Variants in GIPC2 observed in about 807,000 individuals in gnomAD.
GIPC2 encodes GIPC PDZ domain containing family member 2, also known as PDZ domain-containing protein GIPC2.
Under a neutral mutation model 30.6 loss-of-function variants are expected in GIPC2, and 30 were observed. The ratio of observed to expected loss-of-function variants is 0.98; its 90% CI spans 0.73 to 1.33. The LOEUF is 1.33. Ranked by LOEUF, GIPC2 falls within the 40% of genes most tolerant of loss-of-function variation. The pLI is 0.00. For synonymous variants in GIPC2, 167 were observed against 150.0 expected (o/e 1.11, Z -0.83); for missense variants, 414 against 390.3 (o/e 1.06, Z -0.51).
At chr1:78,054,872 G>T (rs1202634689) in intron 1 of GIPC2, among the ~76,000 whole-genome samples, 1 of 152,108 alleles carries the variant, frequency 6.6e-6, no homozygotes, top group Non-Finnish European at 1.5e-5. Context: ...TACACCCTTG[G>T]GCAGGGGTAG....
rs1161005999 is a variant in GIPC2 at position 78,135,884 on chromosome 1, A to ATT, written c.*144_*145dup. 24 of 618,058 alleles carry ATT rather than the reference A, an allele frequency of 3.9e-5. No individual in the cohort carries two copies. The highest frequency in any genetic ancestry group is 5.9e-5 in the Non-Finnish European group (23 of 386,596). 38.3% of individuals were successfully genotyped at this position (618,058 alleles called of 1,614,324 possible). A position where few individuals can be genotyped will look rare whatever the true frequency, so the allele number is the denominator to read the frequency against. ...TATGGAATATATTCTTTGAAATATA[A>ATT]TTTTGGTAATTTTGATTTCTGGGCA... On this transcript the variant is annotated 3_prime_UTR_variant, in exon 6 of 6. Transcript: ENST00000370759.
chr1:78,097,040 G>A (rs1459547952), intron 3 of GIPC2, among the ~76,000 whole-genome samples: 1 of 152,000 alleles, frequency 6.6e-6, no homozygotes, highest in Non-Finnish European at 1.5e-5. Context: ...TTATTGTTTT[G>A]CCTCTGGGAT....
At chr1:78,048,250 G>A (rs1007082337) in intron 1 of GIPC2, among the ~76,000 whole-genome samples, 1 of 151,978 alleles carries the variant, frequency 6.6e-6, no homozygotes, top group Admixed American at 6.6e-5. Flanking sequence ...TGAGCTCAAG[G>A]TACATGATTT....
chr1:78,126,076 TGAAAA>T (rs903350777), intron 5 of GIPC2, 114 bp downstream of exon 5: 15 of 584,992 alleles, frequency 2.6e-5, no homozygotes, highest in Middle Eastern at 9.6e-4. Context: ...TGTGGTATGA[TGAAAA>T]GAATAACAGA....
At chr1:78,123,259 C>CAA (rs757371953) in intron 4 of GIPC2, among the ~76,000 whole-genome samples, 1,659 of 52,054 alleles carry the variant, frequency 0.032, 95 homozygotes, top group South Asian at 0.09. Flanking sequence ...GACTCCATCT[C>CAA]AAAAAAAAAA....
At chr1:78,127,629 C>A (rs993921690) in intron 5 of GIPC2, among the ~76,000 whole-genome samples, 1 of 152,112 alleles carries the variant, frequency 6.6e-6, no homozygotes, top group Non-Finnish European at 1.5e-5. Flanking sequence ...AAACCAATCA[C>A]CTCCTATAAA....
intron 3 of GIPC2, among the ~76,000 whole-genome samples, chr1:78,109,574 C>A (rs1381066880): frequency 6.6e-6 from 1 of 152,070 alleles, no homozygotes; most frequent in Non-Finnish European, 1.5e-5. Flanking sequence ...AATAATCATA[C>A]CTATCTCATA....
chr1:78,125,932 T>C lies in GIPC2; in HGVS notation c.766T>C (p.Leu256=). ...AIEKIDDVLE[L]YMGIRDIDLA... ...TGAAAAGATTGATGATGTTCTTGAGTTGTACATGGGAATTCGAGATATTGA... is the reference window on the plus strand; with the variant it reads ...TGAAAAGATTGATGATGTTCTTGAGCTGTACATGGGAATTCGAGATATTGA... Residue 256 remains leucine, a synonymous_variant, in exon 5 of 6, where the codon TTG becomes CTG. Transcript: ENST00000370759. 3 of 1,581,758 alleles carry C rather than the reference T, an allele frequency of 1.9e-6. No homozygotes were observed. Among genetic ancestry groups the C allele is most frequent in the Non-Finnish European group, 2.6e-6 (3 of 1,150,916 alleles).
At chr1:78,118,740 G>C (rs777356280) in intron 3 of GIPC2, among the ~76,000 whole-genome samples, 1 of 152,100 alleles carries the variant, frequency 6.6e-6, no homozygotes, top group East Asian at 1.9e-4. Context: ...GGGCTGGAGC[G>C]TTGTTCAGGA....
intron 2 of GIPC2, among the ~76,000 whole-genome samples, chr1:78,084,805 T>C (rs1309491122): frequency 1.3e-5 from 2 of 152,206 alleles, no homozygotes; most frequent in Non-Finnish European, 2.9e-5. Flanking sequence ...GAAACTTTGC[T>C]GAAGTTGTTT....
intron 1 of GIPC2, among the ~76,000 whole-genome samples, chr1:78,066,011 AG>A (rs1334587153): frequency 2.0e-5 from 3 of 152,262 alleles, no homozygotes; most frequent in Admixed American, 6.5e-5. Flanking sequence ...AGACATCAAA[AG>A]CAATTGCAAG....
chr1:78,095,866 C>T (rs942801260), intron 3 of GIPC2, among the ~76,000 whole-genome samples: 4 of 152,182 alleles, frequency 2.6e-5, no homozygotes, highest in East Asian at 3.8e-4. Context: ...CATGACCCCA[C>T]GCACCCTATG....
chr1:78,086,061 A>G (rs1661923494), intron 2 of GIPC2, among the ~76,000 whole-genome samples: 2 of 152,102 alleles, frequency 1.3e-5, no homozygotes, highest in South Asian at 2.1e-4. Context: ...TGGGCATTAT[A>G]GTGCTATAAG....
chr1:78,075,023 A>G (rs145377160), intron 1 of GIPC2, among the ~76,000 whole-genome samples: 55 of 152,338 alleles, frequency 3.6e-4, no homozygotes, highest in Middle Eastern at 3.4e-3. Context: ...CCAACCCAGG[A>G]TGGCTTGGTG....
intron 3 of GIPC2, among the ~76,000 whole-genome samples, chr1:78,106,948 T>C (rs971513432): frequency 1.3e-5 from 2 of 152,156 alleles, no homozygotes; most frequent in Non-Finnish European, 2.9e-5. Context: ...GGTGCTGGGA[T>C]TACAGGCATG....
At chr1:78,087,650 A>C (rs1661955226) in intron 2 of GIPC2, among the ~76,000 whole-genome samples, 1 of 152,222 alleles carries the variant, frequency 6.6e-6, no homozygotes, top group Admixed American at 6.5e-5. Flanking sequence ...ATTCAAAACT[A>C]TAAAAACTCT....
At chr1:78,095,916 T>C (rs1431585046) in intron 3 of GIPC2, among the ~76,000 whole-genome samples, 1 of 152,214 alleles carries the variant, frequency 6.6e-6, no homozygotes, top group African/African-American at 2.4e-5. Context: ...TTCCATTTAG[T>C]TTGTCTCTAA....
chr1:78,135,600 A>G lies in GIPC2; in HGVS notation c.805A>G (p.Met269Val), dbSNP rs780798720. 5.1e-6 allele frequency: 8 copies of G among 1,563,322 alleles called. No individual in the cohort carries two copies. The highest frequency in any genetic ancestry group is 4.5e-5 in the East Asian group (2 of 44,078). The change falls in exon 6 of 6, where the codon ATG (methionine) becomes GTG (valine). Residue 269 changes from methionine (M) to valine (V), a missense_variant. Coordinates refer to ENST00000370759, the MANE Select transcript of GIPC2 (RefSeq NM_017655.6). ...AATATTATTTTTGATAGCCACCACA[A>G]TGTTTGAAGCTGGAAAGGACAAAGT... is the stretch of plus-strand genomic sequence containing the variant. Reference protein sequence around the residue: ...GIRDIDLATTMFEAGKDKVNP... With the variant: ...GIRDIDLATTVFEAGKDKVNP...
Position 78,046,126 on chromosome 1 carries a change from C to T in GIPC2, c.32C>T (p.Ala11Val). Reference sequence around the variant, plus strand: ...CTGAAGCTGCGGGGGAAGAAGAAGGCCAAGTCCAAGGAGACCGCCGGGCTG... The same window carrying T: ...CTGAAGCTGCGGGGGAAGAAGAAGGTCAAGTCCAAGGAGACCGCCGGGCTG... Reference protein sequence around the residue: MPLKLRGKKKAKSKETAGLVE... With the variant: MPLKLRGKKKVKSKETAGLVE... Residue 11 changes from alanine to valine, a missense_variant, in exon 1 of 6, where the codon GCC (alanine) becomes GTC (valine). Physicochemically the swap from Ala to Val is moderately conservative, Grantham distance 64 (BLOSUM62 0). Transcript: ENST00000370759. 1 of 1,506,092 alleles carries T rather than the reference C, an allele frequency of 6.6e-7. No individual in the cohort carries two copies. Among genetic ancestry groups the T allele is most frequent in the Admixed American group, 2.4e-5 (1 of 41,818 alleles). The allele number at this position is 1,506,092 out of a possible 1,614,324, so 93.3% of individuals were successfully genotyped here.
Sources: gnomAD v4.1 joint callset for allele counts (sites outside exome capture counted in the v4.1 genomes callset) on GRCh38, gnomAD v4.1.1 for gene constraint, MANE v1.5 for transcripts, NCBI Gene and HGNC (gene_info 2026-07-23, HGNC 2026-07-21) for gene names.